The following CUL3 variants were observed in gnomAD, a reference collection of about 807,000 sequenced individuals.
CUL3 encodes the protein cullin 3, also known as cullin-3.
In CUL3, 19 loss-of-function variants were observed where a neutral mutation model predicts 89.1. That is an observed-to-expected ratio of 0.21 (90% CI 0.15 to 0.31). The LOEUF (loss-of-function observed/expected upper bound fraction) is 0.31. CUL3 is among the 10% of genes least tolerant of loss of function. CUL3 has a pLI of 1.00. For missense variants in CUL3, 469 were observed against 942.3 expected, an observed-to-expected ratio of 0.50 and a Z score of 6.58; for synonymous variants, 351 against 308.4, an observed-to-expected ratio of 1.14 and a Z score of -1.45.
At chr2:224,548,846 A>T (rs1014556315) in intron 2 of CUL3, among the ~76,000 whole-genome samples, 2 of 152,086 alleles carry the variant, frequency 1.3e-5, no homozygotes, top group Non-Finnish European at 2.9e-5. Context: ...AAAAAAATAT[A>T]CAAAAATTTA....
In CUL3 at chr2:224,513,498, T is replaced by C. The variant is rs1236419817; in HGVS notation, c.654+26A>G. ...TAACATTAAGAACATCTTAAAAGAT[T>C]ATTTATTTACATTTTCACGGATTAC... is the stretch of plus-strand genomic sequence containing the variant. On this transcript the variant is annotated intron_variant, in intron 5 of 15. Coordinates refer to ENST00000264414, the MANE Select transcript of CUL3 (RefSeq NM_003590.5). 7.6e-6 allele frequency: 10 copies of C among 1,319,500 alleles called. No individual in the cohort carries two copies. In the East Asian group the frequency reaches 2.3e-4, roughly 31 times the overall value. The allele number at this position is 1,319,500 out of a possible 1,614,324, so 81.7% of individuals were successfully genotyped here.
intron 2 of CUL3, among the ~76,000 whole-genome samples, chr2:224,542,551 G>C (rs954848626): frequency 2.8e-5 from 4 of 143,640 alleles, no homozygotes; most frequent in Non-Finnish European, 3.0e-5. Flanking sequence ...GGCTGTGTGC[G>C]TGTGCGTGTG....
chr2:224,569,677 T>C (rs933336745), intron 1 of CUL3: 7 of 1,168,520 alleles, frequency 6.0e-6, no homozygotes, highest in Non-Finnish European at 7.5e-6. Context: ...TGTCAGTCTA[T>C]TATATACTTA....
Position 224,585,093 on chromosome 2 carries a change from G to A in CUL3, c.-84C>T, listed in dbSNP as rs1695549290. The A allele has an allele frequency of 1.8e-6, 2 of 1,140,384 alleles. No individual in the cohort carries two copies. The highest frequency in any genetic ancestry group is 3.0e-5 in the Admixed American group (1 of 33,572). The allele number at this position is 1,140,384 out of a possible 1,614,324, so 70.6% of individuals were successfully genotyped here. ...ATTTAAGGCGGGCAGGCAGGCTAGG[G>A]GCGACGCTGGGGGCGGCGGCGGCGC... On this transcript the variant is annotated 5_prime_UTR_variant, in exon 1 of 16. Coordinates refer to ENST00000264414, the MANE Select transcript of CUL3 (RefSeq NM_003590.5).
intron 3 of CUL3, among the ~76,000 whole-genome samples, chr2:224,524,548 A>G (rs774060896): frequency 1.4e-4 from 22 of 152,078 alleles, no homozygotes; most frequent in Non-Finnish European, 2.5e-4. Flanking sequence ...TTCAGTTCAG[A>G]CCCCAGAGGA....
In CUL3 at chr2:224,585,307, TGGC is replaced by T. The variant is rs1007365360; in HGVS notation, c.-301_-299del. Reference sequence around the variant, plus strand: ...CTCCCTTTATCGCGCTCCTCCGCGATGGCGGCGGCGGCGGCGACGGACAAACAT... The same window carrying T: ...CTCCCTTTATCGCGCTCCTCCGCGATGGCGGCGGCGGCGACGGACAAACAT... On this transcript the variant is annotated 5_prime_UTR_variant, in exon 1 of 16. Coordinates refer to ENST00000264414, the MANE Select transcript of CUL3 (RefSeq NM_003590.5). 17 of 399,288 alleles carry T rather than the reference TGGC, an allele frequency of 4.3e-5. No individual in the cohort carries two copies. Among genetic ancestry groups the T allele is most frequent in the Non-Finnish European group, 6.6e-5 (15 of 227,964 alleles). 24.7% of individuals were successfully genotyped at this position (399,288 alleles called of 1,614,324 possible). A position where few individuals can be genotyped will look rare whatever the true frequency, so the allele number is the denominator to read the frequency against.
chr2:224,542,520 T>C (rs984377466), intron 2 of CUL3, among the ~76,000 whole-genome samples: 6 of 151,434 alleles, frequency 4.0e-5, no homozygotes, highest in African/African-American at 1.5e-4. Context: ...TGTGTATGTG[T>C]GTGTGTGTGC....
Position 224,514,632 on chromosome 2 carries a change from C to T in CUL3, c.519G>A (p.Arg173=), listed in dbSNP as rs2106223361. 6.2e-7 allele frequency: 1 copy of T among 1,612,704 alleles called. No homozygotes were observed. Among genetic ancestry groups the T allele is most frequent in the Non-Finnish European group, 8.5e-7 (1 of 1,179,102 alleles). Reference sequence around the variant, plus strand: ...TTTACCTGTCTACGACTTCTCCTTTCCGCTCTCTTGCAATCATATCCAATA... The same window carrying T: ...TTTACCTGTCTACGACTTCTCCTTTTCGCTCTCTTGCAATCATATCCAATA... ...QTLLDMIARE[R]KGEVVDRGAI... Residue 173 remains arginine, a synonymous_variant, in exon 4 of 16, where the codon CGG becomes CGA. Transcript: ENST00000264414.
At chr2:224,572,399 C>T (rs896012015) in intron 1 of CUL3, among the ~76,000 whole-genome samples, 2 of 151,798 alleles carry the variant, frequency 1.3e-5, no homozygotes, top group Non-Finnish European at 2.9e-5. Flanking sequence ...AATCCTTGCA[C>T]TTTTGAAAGC....
At chr2:224,545,983 T>C (rs994375010) in intron 2 of CUL3, among the ~76,000 whole-genome samples, 5 of 152,196 alleles carry the variant, frequency 3.3e-5, no homozygotes, top group Admixed American at 1.3e-4. Context: ...TAAAATAGTA[T>C]GACTTAGAAA....
intron 6 of CUL3, among the ~76,000 whole-genome samples, chr2:224,507,897 T>G (rs1455200901): frequency 6.6e-6 from 1 of 152,202 alleles, no homozygotes; most frequent in Non-Finnish European, 1.5e-5. Context: ...ATTAAGAGTT[T>G]CTAGATCAGA....
At chr2:224,542,247 T>C (rs561025345) in intron 2 of CUL3, among the ~76,000 whole-genome samples, 1 of 152,330 alleles carries the variant, frequency 6.6e-6, no homozygotes, top group East Asian at 1.9e-4. Flanking sequence ...ATTCTTTGTT[T>C]CTGTGGATAT....
chr2:224,565,168 A>G (rs1463887252), intron 1 of CUL3, among the ~76,000 whole-genome samples: 1 of 152,216 alleles, frequency 6.6e-6, no homozygotes. Context: ...CCAATAACAT[A>G]AACAGTCTAT....
chr2:224,483,367 T>C (rs1205725564), intron 13 of CUL3, among the ~76,000 whole-genome samples: 1 of 152,164 alleles, frequency 6.6e-6, no homozygotes, highest in Non-Finnish European at 1.5e-5. Flanking sequence ...AGTGGGGAAT[T>C]CTTAGCTGCC....
chr2:224,501,303 GCT>G (rs1424973458), intron 10 of CUL3, among the ~76,000 whole-genome samples: 1 of 152,132 alleles, frequency 6.6e-6, no homozygotes, highest in Non-Finnish European at 1.5e-5. Flanking sequence ...CAGATCCAGT[GCT>G]ATAACACTAT....
At chr2:224,534,118 C>T (rs566828343) in intron 3 of CUL3, among the ~76,000 whole-genome samples, 2 of 152,150 alleles carry the variant, frequency 1.3e-5, no homozygotes, top group East Asian at 1.9e-4. Flanking sequence ...TAAAACAAGT[C>T]ATTAACTTAT....
At chr2:224,549,110 A>T (rs1694410784) in intron 2 of CUL3, among the ~76,000 whole-genome samples, 1 of 152,134 alleles carries the variant, frequency 6.6e-6, no homozygotes, top group African/African-American at 2.4e-5. Flanking sequence ...TGCTACTAGG[A>T]GTTCAAAACC....
intron 2 of CUL3, among the ~76,000 whole-genome samples, chr2:224,549,137 C>T (rs1393685423): frequency 6.6e-6 from 1 of 151,738 alleles, no homozygotes; most frequent in African/African-American, 2.4e-5. Context: ...GACAACATGG[C>T]AAAACACCAT....
intron 1 of CUL3, 95 bp from the exon 2 acceptor site, chr2:224,557,951 T>C (rs1394886967): frequency 5.9e-6 from 4 of 672,458 alleles, no homozygotes; most frequent in Non-Finnish European, 7.4e-6. Flanking sequence ...ATAGTAAATA[T>C]TGTATTATAT....
Sources: allele counts gnomAD v4.1 joint callset (sites outside exome capture counted in the v4.1 genomes callset), GRCh38; gene constraint gnomAD v4.1.1; transcripts MANE v1.5; gene names NCBI Gene and HGNC (gene_info 2026-07-23, HGNC 2026-07-21).